BORCS5: variants seen among roughly 807,000 people sequenced by gnomAD.
BORCS5 encodes the protein BLOC-1 related complex subunit 5, also known as BLOC-1-related complex subunit 5.
In BORCS5, 17 loss-of-function variants were observed where a neutral mutation model predicts 22.1. That is an observed-to-expected ratio of 0.77 (90% CI 0.53 to 1.15). The LOEUF (loss-of-function observed/expected upper bound fraction) is 1.15, where lower values mean the gene tolerates loss of function less well. Among genes scored for constraint, BORCS5 ranks in the 50% most tolerant of loss-of-function variants. BORCS5 has a pLI of 0.00. For synonymous variants in BORCS5, 117 were observed against 99.8 expected (o/e 1.17, Z -1.03); for missense variants, 247 against 253.2 (o/e 0.98, Z 0.17).
intron 2 of BORCS5, among the ~76,000 whole-genome samples, chr12:12,381,054 C>A (rs1222856071): frequency 2.7e-5 from 4 of 147,608 alleles, no homozygotes; most frequent in Non-Finnish European, 4.5e-5. Flanking sequence ...CTCTGTCGCC[C>A]AGGCTGGAGT....
chr12:12,371,662 T>C (rs760636578), intron 2 of BORCS5, among the ~76,000 whole-genome samples: 4 of 152,194 alleles, frequency 2.6e-5, no homozygotes, highest in Non-Finnish European at 4.4e-5. Flanking sequence ...GATCTGCAGG[T>C]TTGTACTTTT....
chr12:12,409,045 G>A (rs1044826998), intron 2 of BORCS5, among the ~76,000 whole-genome samples: 49 of 152,100 alleles, frequency 3.2e-4, no homozygotes, highest in African/African-American at 1.1e-3. Context: ...GCTATACCAT[G>A]TTACGTCTCC....
intron 2 of BORCS5, among the ~76,000 whole-genome samples, chr12:12,390,613 C>G (rs1941149551): frequency 7.1e-6 from 1 of 140,636 alleles, no homozygotes; most frequent in South Asian, 2.2e-4. Context: ...ATAGCAAGAC[C>G]TTATCTCCTT....
chr12:12,394,711 T>C (rs10743982), intron 2 of BORCS5, among the ~76,000 whole-genome samples: 91,727 of 151,636 alleles, frequency 0.6, 29,095 homozygotes, highest in African/African-American at 0.79. Flanking sequence ...ACAAACCTCA[T>C]GGTTGACTTA....
intron 3 of BORCS5, among the ~76,000 whole-genome samples, chr12:12,436,964 A>C (rs989951806): frequency 3.3e-5 from 5 of 152,228 alleles, no homozygotes; most frequent in Non-Finnish European, 7.3e-5. Flanking sequence ...TACTTTCCAA[A>C]CATGACTATT....
At position 12,460,191 on chromosome 12, in the gene BORCS5, C is replaced by T. The variant is rs1283551986; in HGVS notation, c.361-5355C>T. 2.0e-5 allele frequency among the ~76,000 whole-genome samples: 3 copies of T among 152,164 alleles called. No homozygotes were observed. In the South Asian group the frequency reaches 6.2e-4, roughly 32 times the overall value. On this transcript the variant is annotated intron_variant, in intron 3 of 3. Coordinates refer to ENST00000314565, the MANE Select transcript of BORCS5 (RefSeq NM_058169.6). ...TGAGATCCCTTTTAGTTTTTCAGAG[C>T]GATGTTTTGTAATATCAGTGTACAG...
intron 3 of BORCS5, among the ~76,000 whole-genome samples, chr12:12,440,206 GTTA>G (rs1942653105): frequency 6.6e-6 from 1 of 152,210 alleles, no homozygotes; most frequent in African/African-American, 2.4e-5. Context: ...CTTTCCTTAT[GTTA>G]AATTTGGATG....
chr12:12,463,171 A>G (rs769327477), intron 3 of BORCS5, among the ~76,000 whole-genome samples: 2 of 152,228 alleles, frequency 1.3e-5, no homozygotes, highest in East Asian at 1.9e-4. Flanking sequence ...GTCACATCAA[A>G]TGTGTTACAA....
chr12:12,383,035 T>C (rs1863808237), intron 2 of BORCS5, among the ~76,000 whole-genome samples: 1 of 151,476 alleles, frequency 6.6e-6, no homozygotes, highest in Non-Finnish European at 1.5e-5. Context: ...ATTTCTTTTC[T>C]ATACATTCTT....
In BORCS5 at chr12:12,470,951, G is replaced by T. The variant is rs1943289680; in HGVS notation, c.*5175G>T. 6.6e-6 allele frequency among the ~76,000 whole-genome samples: 1 copy of T among 152,098 alleles called. No homozygotes were observed. The highest frequency in any genetic ancestry group is 2.1e-4 in the South Asian group (1 of 4,818). ...CACCAATCAAGGCTCATTCCTTGAG[G>T]CATGAGTTATGCGAAAAGCTTTTCT... On this transcript the variant is annotated 3_prime_UTR_variant, in exon 4 of 4. Transcript: ENST00000314565.
chr12:12,457,642 A>G (rs1943023309), intron 3 of BORCS5, among the ~76,000 whole-genome samples: 1 of 152,118 alleles, frequency 6.6e-6, no homozygotes, highest in Admixed American at 6.6e-5. Flanking sequence ...TGCACTCCAT[A>G]GAAGCTCTCT....
chr12:12,421,923 C>T (rs1942133900), intron 2 of BORCS5, among the ~76,000 whole-genome samples: 1 of 152,052 alleles, frequency 6.6e-6, no homozygotes. Context: ...GTTATTGTGT[C>T]TATTTGATTC....
At chr12:12,380,655 G>T (rs1863756629) in intron 2 of BORCS5, among the ~76,000 whole-genome samples, 1 of 151,406 alleles carries the variant, frequency 6.6e-6, no homozygotes. Context: ...TTGGTAGGTT[G>T]TATGGTAACT....
rs138756672 is a variant in BORCS5, at chr12:12,375,283, G to A, written c.202+13934G>A. On this transcript the variant is annotated intron_variant, in intron 2 of 3. Coordinates refer to ENST00000314565, the MANE Select transcript of BORCS5 (RefSeq NM_058169.6). ...CCGCCTCGGCCTCCCAAAGTGCTGGGATTATAGGCGTGAGCCACTGTGTCC... is the reference window on the plus strand; with the variant it reads ...CCGCCTCGGCCTCCCAAAGTGCTGGAATTATAGGCGTGAGCCACTGTGTCC... Among the ~76,000 whole-genome samples the A allele has an allele frequency of 1.3e-3, 194 of 152,338 alleles. 2 individuals carry two copies. The highest frequency in any genetic ancestry group is 1.7e-3 in the South Asian group (8 of 4,832).
intron 2 of BORCS5, among the ~76,000 whole-genome samples, chr12:12,434,281 C>CAAAAAA (rs139357200): frequency 1.3e-5 from 1 of 76,588 alleles, no homozygotes; most frequent in Non-Finnish European, 2.4e-5. Flanking sequence ...GACTCTGTCT[C>CAAAAAA]AAAAAAAAAA....
At chr12:12,359,116 A>C (rs1219176185) in intron 1 of BORCS5, among the ~76,000 whole-genome samples, 2 of 152,148 alleles carry the variant, frequency 1.3e-5, no homozygotes, top group Non-Finnish European at 2.9e-5. Flanking sequence ...AGTCCTTTAT[A>C]ATTTGAATCA....
intron 3 of BORCS5, among the ~76,000 whole-genome samples, chr12:12,447,833 C>T (rs1216838421): frequency 1.3e-5 from 2 of 152,186 alleles, no homozygotes; most frequent in Non-Finnish European, 2.9e-5. Context: ...CACAAACTTA[C>T]TTTTACCTCT....
At chr12:12,446,305 T>C (rs1485989940) in intron 3 of BORCS5, among the ~76,000 whole-genome samples, 1 of 151,920 alleles carries the variant, frequency 6.6e-6, no homozygotes, top group Non-Finnish European at 1.5e-5. Flanking sequence ...GGGTAGAAAT[T>C]TTACATGGGG....
chr12:12,376,638 A>G (rs1200389219), intron 2 of BORCS5, among the ~76,000 whole-genome samples: 1 of 152,206 alleles, frequency 6.6e-6, no homozygotes, highest in East Asian at 1.9e-4. Flanking sequence ...TTTCTCAGCC[A>G]TAGGAGAAGG....
Sources: allele counts gnomAD v4.1 joint callset (sites outside exome capture counted in the v4.1 genomes callset), GRCh38; gene constraint gnomAD v4.1.1; transcripts MANE v1.5; gene names NCBI Gene and HGNC (gene_info 2026-07-23, HGNC 2026-07-21).